CYB5RL: variants seen among roughly 807,000 people sequenced by gnomAD.
CYB5RL encodes cytochrome b5 reductase like, also known as NADH-cytochrome b5 reductase-like.
In CYB5RL, 38 loss-of-function variants were observed where a neutral mutation model predicts 37.5. That is an observed-to-expected ratio of 1.01 (90% CI 0.78 to 1.33). The LOEUF is 1.33. Ranked by LOEUF, CYB5RL falls within the 40% of genes most tolerant of loss-of-function variation. CYB5RL has a pLI of 0.00. For synonymous variants in CYB5RL, 141 were observed against 151.9 expected, an observed-to-expected ratio of 0.93 and a Z score of 0.53; for missense variants, 388 against 394.4, an observed-to-expected ratio of 0.98 and a Z score of 0.14.
chr1:54,195,732 A>C lies in CYB5RL; in HGVS notation c.-99-17T>G, dbSNP rs1255002856. The C allele has an allele frequency of 2.5e-6, 3 of 1,195,278 alleles. No homozygotes were observed. Among genetic ancestry groups the C allele is most frequent in the African/African-American group, 1.5e-5 (1 of 66,004 alleles). The allele number at this position is 1,195,278 out of a possible 1,614,324, so 74.0% of individuals were successfully genotyped here. A position where few individuals can be genotyped will look rare whatever the true frequency, so the allele number is the denominator to read the frequency against. On this transcript the variant is annotated splice_polypyrimidine_tract_variant and intron_variant, in intron 2 of 7. Coordinates refer to ENST00000534324, the MANE Select transcript of CYB5RL (RefSeq NM_001031672.4). ...TTGGCCAGCCTGGGAGAGGGAAAAC[A>C]TGGGGGTTATTCTCTGGTCTCCTCT...
intron 6 of CYB5RL, among the ~76,000 whole-genome samples, chr1:54,179,583 T>C (rs553365719): frequency 5.0e-4 from 76 of 152,256 alleles, no homozygotes; most frequent in African/African-American, 1.7e-3. Flanking sequence ...AAAGGGAACA[T>C]AACAGTATAG....
Position 54,184,212 on chromosome 1 carries a change from G to C in CYB5RL, c.489C>G (p.Asp163Glu), listed in dbSNP as rs780777911. 6.2e-6 allele frequency: 10 copies of C among 1,613,732 alleles called. No individual in the cohort carries two copies. The South Asian group carries it at 9.9e-5, about 16-fold the overall frequency. ...SRYVESWRVG[D>E]TAFWRGPFGD... The stretch of plus-strand genomic sequence containing the variant: ...CGAAAGGTCCTCGCCAGAAAGCTGT[G>C]TCTCCTACTCTCCAGGACTCAACAT... Residue 163 changes from aspartate (D) to glutamate (E), a missense_variant, in exon 6 of 8, where the codon GAC (aspartate) becomes GAG (glutamate). Asp to Glu is a conservative substitution (Grantham distance 45). Transcript: ENST00000534324.
rs757771991 is a variant in CYB5RL at position 54,179,240 on chromosome 1, C to A, written c.653G>T (p.Cys218Phe). ...NDETFVTLVGCFKTFESIYLK... is the reference protein window; with the variant it reads ...NDETFVTLVGFFKTFESIYLK... ...GTAGATGCTCTCAAAGGTCTTGAAG[C>A]AACCGACCAGAGTGACAAAAGTCTC... Residue 218 changes from cysteine (C) to phenylalanine (F), a missense_variant, in exon 7 of 8, where the codon TGC (cysteine) becomes TTC (phenylalanine). Physicochemically the swap from Cys to Phe is radical, Grantham distance 205. Transcript: ENST00000534324. 1 of 1,613,760 alleles carries A rather than the reference C, an allele frequency of 6.2e-7. No homozygotes were observed. The highest frequency in any genetic ancestry group is 8.5e-7 in the Non-Finnish European group (1 of 1,179,822).
intron 1 of CYB5RL, among the ~76,000 whole-genome samples, chr1:54,197,312 C>CTTTTTTTTTTTT (rs199620217): frequency 3.1e-5 from 4 of 130,382 alleles, no homozygotes; most frequent in African/African-American, 8.7e-5. Context: ...TTTTTCTTTT[C>CTTTTTTTTTTTT]TTTTCTTTTT....
chr1:54,184,283 G>C lies in CYB5RL; in HGVS notation c.436-18C>G. The C allele has an allele frequency of 6.2e-7, 1 of 1,608,724 alleles. No homozygotes were observed. The highest frequency in any genetic ancestry group is 2.2e-5 in the East Asian group (1 of 44,802). On this transcript the variant is annotated intron_variant, in intron 5 of 7. Coordinates refer to ENST00000534324, the MANE Select transcript of CYB5RL (RefSeq NM_001031672.4). ...TGGTAGCACTGGAAGCAAACACAGG[G>C]AGACGTCAGCGGGACAGGTACATGC...
chr1:54,175,054 G>A (rs1278223386), intron 7 of CYB5RL, among the ~76,000 whole-genome samples: 3 of 151,920 alleles, frequency 2.0e-5, no homozygotes, highest in Non-Finnish European at 4.4e-5. Flanking sequence ...CTTCCCTGTG[G>A]CACACAATGA....
intron 7 of CYB5RL, chr1:54,175,509 G>T (rs940501389): frequency 6.6e-6 from 2 of 302,022 alleles, no homozygotes; most frequent in Non-Finnish European, 1.4e-5. Context: ...CAAAATGAAG[G>T]CTCCACTCCC....
chr1:54,190,641 T>C, intron 4 of CYB5RL, 107 bp downstream of exon 4: 1 of 1,404,496 alleles, frequency 7.1e-7, no homozygotes, highest in Non-Finnish European at 9.8e-7. Context: ...ATCTTGAAGA[T>C]GACAAATGGA....
chr1:54,194,246 T>C (rs1256997286), intron 3 of CYB5RL, among the ~76,000 whole-genome samples: 1 of 151,678 alleles, frequency 6.6e-6, no homozygotes, highest in East Asian at 1.9e-4. Flanking sequence ...GGCACATGCC[T>C]GTAATCCCAG....
Position 54,174,060 on chromosome 1 carries a change from G to C in CYB5RL, c.*559C>G, listed in dbSNP as rs1659957781. 6.3e-6 allele frequency: 1 copy of C among 159,574 alleles called. No individual in the cohort carries two copies. 9.9% of individuals were successfully genotyped at this position (159,574 alleles called of 1,614,324 possible). A position where few individuals can be genotyped will look rare whatever the true frequency, so the allele number is the denominator to read the frequency against. ...TTGGGGCCAATACAAGACAGTCGAG[G>C]GCCCCACCTTGCTCTCAGGATGTGG... On this transcript the variant is annotated 3_prime_UTR_variant, in exon 8 of 8. Transcript: ENST00000534324.
At chr1:54,193,388 G>C (rs1187153885) in intron 3 of CYB5RL, among the ~76,000 whole-genome samples, 1 of 152,190 alleles carries the variant, frequency 6.6e-6, no homozygotes, top group African/African-American at 2.4e-5. Context: ...AATGAAATTT[G>C]GGCAGAGATC....
chr1:54,178,373 A>G (rs971474153), intron 7 of CYB5RL, among the ~76,000 whole-genome samples: 10 of 152,272 alleles, frequency 6.6e-5, no homozygotes, highest in South Asian at 2.1e-4. Context: ...AGGAATCCCA[A>G]CCCAGAGGGG....
intron 5 of CYB5RL, 98 bp from the exon 6 acceptor site, chr1:54,184,363 G>T: frequency 1.0e-6 from 1 of 972,100 alleles, no homozygotes; most frequent in Non-Finnish European, 1.6e-6. Context: ...TATGCTAAGT[G>T]CTTCACATGT....
intron 4 of CYB5RL, 184 bp from the exon 5 acceptor site, chr1:54,187,923 A>C: frequency 1.8e-6 from 1 of 564,234 alleles, no homozygotes; most frequent in Non-Finnish European, 3.2e-6. Context: ...AAAAGTACAA[A>C]AATTTAGCTG....
chr1:54,183,989 A>G, intron 6 of CYB5RL, 172 bp downstream of exon 6: 1 of 407,626 alleles, frequency 2.5e-6, no homozygotes. Flanking sequence ...ATAAATAAAT[A>G]AATAAATAAA....
intron 7 of CYB5RL, among the ~76,000 whole-genome samples, chr1:54,178,661 G>GCAGT (rs1553176706): frequency 6.6e-6 from 1 of 152,186 alleles, no homozygotes; most frequent in Non-Finnish European, 1.5e-5. Context: ...GTTTACTCCA[G>GCAGT]CAGTCACTAA....
At chr1:54,184,084 A>T in intron 6 of CYB5RL, 77 bp downstream of exon 6, 1 of 1,291,830 alleles carries the variant, frequency 7.7e-7, no homozygotes, top group Non-Finnish European at 1.1e-6. Flanking sequence ...AGAATGGCAC[A>T]GTGAGATGCT....
rs924618170 is a variant in CYB5RL, at chr1:54,190,821, T to C, written c.274A>G (p.Thr92Ala). Reference sequence around the variant, plus strand: ...GGTAGAGCAAACCGGACACGGTAGGTGTCCTTAGTGAGCCTGTCCATGGCA... The same window carrying C: ...GGTAGAGCAAACCGGACACGGTAGGCGTCCTTAGTGAGCCTGTCCATGGCA... ...IIAMDRLTKD[T>A]YRVRFALPGN... The change falls in exon 4 of 8, where the codon ACC (threonine) becomes GCC (alanine). Residue 92 changes from threonine to alanine, a missense_variant. Coordinates refer to ENST00000534324, the MANE Select transcript of CYB5RL (RefSeq NM_001031672.4). 1.9e-6 allele frequency: 3 copies of C among 1,596,140 alleles called. No homozygotes were observed. Among genetic ancestry groups the C allele is most frequent in the Non-Finnish European group, 2.6e-6 (3 of 1,171,812 alleles).
In CYB5RL at chr1:54,190,172, GC is replaced by G. The variant is rs1463761558; in HGVS notation, c.347+575del. 2.0e-5 allele frequency among the ~76,000 whole-genome samples: 3 copies of G among 152,196 alleles called. No homozygotes were observed. The East Asian group carries it at 5.8e-4, about 29-fold the overall frequency. ...GTGGGGACTGGGGTGGGAGTAGAGT[GC>G]CTAAGTAGGCTGGGAGGAAGTAGGA... On this transcript the variant is annotated intron_variant, in intron 4 of 7. Transcript: ENST00000534324.
Sources: allele counts gnomAD v4.1 joint callset (sites outside exome capture counted in the v4.1 genomes callset), GRCh38; gene constraint gnomAD v4.1.1; transcripts MANE v1.5; gene names NCBI Gene and HGNC (gene_info 2026-07-23, HGNC 2026-07-21).